The following SFMBT2 variants were observed in gnomAD, a reference collection of about 807,000 sequenced individuals.
SFMBT2 encodes the protein scm-like with four MBT domains protein 2.
A neutral mutation model predicts 110.1 loss-of-function variants in SFMBT2; 38 were observed. The ratio of observed to expected loss-of-function variants is 0.35; its 90% CI spans 0.27 to 0.45. The LOEUF is 0.45. SFMBT2 is among the 20% of genes least tolerant of loss of function. The pLI is 1.00. For missense variants in SFMBT2, 1,011 were observed against 1,094.9 expected (o/e 0.92, Z 1.08); for synonymous variants, 425 against 425.4 (o/e 1.00, Z 0.01).
intron 16 of SFMBT2, among the ~76,000 whole-genome samples, chr10:7,180,810 C>T (rs543202401): frequency 3.9e-4 from 60 of 152,192 alleles, no homozygotes; most frequent in African/African-American, 1.3e-3. Context: ...TGGGGCCTGA[C>T]GAAATAAATA....
intron 1 of SFMBT2, among the ~76,000 whole-genome samples, chr10:7,387,752 G>A (rs940925068): frequency 6.1e-5 from 9 of 146,544 alleles, no homozygotes; most frequent in South Asian, 2.2e-4. Context: ...CCAACATGGC[G>A]AAACCCTGTC....
chr10:7,246,627 G>A (rs918241769), intron 8 of SFMBT2, among the ~76,000 whole-genome samples: 1 of 145,996 alleles, frequency 6.8e-6, no homozygotes, highest in African/African-American at 2.5e-5. Flanking sequence ...GCTGAGGCAG[G>A]AGAATAGCTT....
intron 7 of SFMBT2, chr10:7,249,507 A>C (rs1462342752): frequency 2.7e-5 from 27 of 984,868 alleles, no homozygotes; most frequent in Non-Finnish European, 3.3e-5. Context: ...CCCTGAGGAA[A>C]TAATACCTGC....
intron 20 of SFMBT2, among the ~76,000 whole-genome samples, chr10:7,168,969 T>C (rs1037454645): frequency 3.3e-5 from 5 of 152,172 alleles, no homozygotes. Context: ...TTCTTTCTTT[T>C]TGCTTGTTTT....
intron 9 of SFMBT2, among the ~76,000 whole-genome samples, chr10:7,233,693 C>T (rs771942621): frequency 2.0e-5 from 3 of 152,216 alleles, no homozygotes; most frequent in Non-Finnish European, 2.9e-5. Flanking sequence ...AGCAGCACTT[C>T]GGGGCATTTT....
rs1564395580 is a variant in SFMBT2, at chr10:7,228,774, CTCTCT to C, written c.1121-842_1121-838del. On this transcript the variant is annotated intron_variant, in intron 9 of 20. Coordinates refer to ENST00000397167, the MANE Select transcript of SFMBT2 (RefSeq NM_001387889.1). ...TCTCTCTCTCTCTCTCTCTCTCTCT[CTCTCT>C]CTCCCCCTCCCTCTCTCTCTCTCTT... 1.6e-4 allele frequency among the ~76,000 whole-genome samples: 21 copies of C among 135,338 alleles called. No individual in the cohort carries two copies. In the South Asian group the frequency reaches 2.0e-3, roughly 13 times the overall value. The allele number at this position is 135,338 out of a possible 152,430, so 88.8% of individuals were successfully genotyped here.
chr10:7,342,517 T>A (rs1843952278), intron 4 of SFMBT2, among the ~76,000 whole-genome samples: 1 of 147,446 alleles, frequency 6.8e-6, no homozygotes, highest in Non-Finnish European at 1.5e-5. Context: ...CATGCCATTC[T>A]CCTGCCTCAG....
chr10:7,167,599 C>T (rs1054339390), intron 20 of SFMBT2, among the ~76,000 whole-genome samples: 18 of 152,050 alleles, frequency 1.2e-4, no homozygotes, highest in Non-Finnish European at 8.8e-5. Context: ...GGTGACCTAC[C>T]GGAGGCCTCA....
At chr10:7,299,845 C>T (rs892510696) in intron 4 of SFMBT2, among the ~76,000 whole-genome samples, 1 of 151,982 alleles carries the variant, frequency 6.6e-6, no homozygotes, top group Middle Eastern at 3.2e-3. Flanking sequence ...AAGACACATG[C>T]ACACATATGT....
At chr10:7,398,929 G>A (rs1356019860) in intron 1 of SFMBT2, among the ~76,000 whole-genome samples, 1 of 152,198 alleles carries the variant, frequency 6.6e-6, no homozygotes, top group Admixed American at 6.5e-5. Flanking sequence ...AGCCAGACAT[G>A]CATGGATAAT....
intron 1 of SFMBT2, among the ~76,000 whole-genome samples, chr10:7,386,320 A>G (rs1845603451): frequency 6.6e-6 from 1 of 152,144 alleles, no homozygotes; most frequent in Non-Finnish European, 1.5e-5. Flanking sequence ...AAAAATTAAA[A>G]TTCTGCGTAT....
At chr10:7,325,560 A>T (rs1843356265) in intron 4 of SFMBT2, among the ~76,000 whole-genome samples, 1 of 152,230 alleles carries the variant, frequency 6.6e-6, no homozygotes, top group Non-Finnish European at 1.5e-5. Flanking sequence ...CTACCCTCAC[A>T]TATAACTATT....
intron 9 of SFMBT2, among the ~76,000 whole-genome samples, chr10:7,231,964 C>A (rs181709015): frequency 6.6e-6 from 1 of 152,056 alleles, no homozygotes; most frequent in Non-Finnish European, 1.5e-5. Flanking sequence ...CAGAACAAGA[C>A]GTACTAAGGC....
intron 4 of SFMBT2, among the ~76,000 whole-genome samples, chr10:7,360,715 C>T (rs1844689828): frequency 6.6e-6 from 1 of 152,112 alleles, no homozygotes; most frequent in Admixed American, 6.5e-5. Context: ...CACATACATA[C>T]CTACTCTCTC....
intron 6 of SFMBT2, chr10:7,277,463 A>C (rs1034299612): frequency 7.4e-5 from 18 of 243,676 alleles, no homozygotes; most frequent in African/African-American, 4.1e-4. Context: ...ATCTGCTAAA[A>C]ATAGTCCCTG....
At chr10:7,400,505 A>G (rs1026282071) in intron 1 of SFMBT2, among the ~76,000 whole-genome samples, 7 of 151,694 alleles carry the variant, frequency 4.6e-5, no homozygotes, top group African/African-American at 1.7e-4. Flanking sequence ...ACGCCAAATT[A>G]CTCCACAGCT....
intron 4 of SFMBT2, among the ~76,000 whole-genome samples, chr10:7,365,926 C>T (rs1339616332): frequency 6.6e-6 from 1 of 152,140 alleles, no homozygotes; most frequent in Non-Finnish European, 1.5e-5. Flanking sequence ...TAAAAAATCA[C>T]TGAACTGTAC....
intron 16 of SFMBT2, among the ~76,000 whole-genome samples, chr10:7,179,973 G>A (rs1838195825): frequency 6.6e-6 from 1 of 152,190 alleles, no homozygotes; most frequent in South Asian, 2.1e-4. Context: ...TAGAAGCCAT[G>A]GCAGTGAGGG....
At chr10:7,230,655 G>C (rs1204965405) in intron 9 of SFMBT2, among the ~76,000 whole-genome samples, 3 of 152,178 alleles carry the variant, frequency 2.0e-5, no homozygotes, top group African/African-American at 7.2e-5. Flanking sequence ...AAAAGCGTCT[G>C]GGTGCGGTGG....
Sources: gnomAD v4.1 joint callset for allele counts (sites outside exome capture counted in the v4.1 genomes callset) on GRCh38, gnomAD v4.1.1 for gene constraint, MANE v1.5 for transcripts, NCBI Gene and HGNC (gene_info 2026-07-23, HGNC 2026-07-21) for gene names.